The following ARPP19 variants were observed in gnomAD, a reference collection of about 807,000 sequenced individuals.
ARPP19 encodes the protein cAMP-regulated phosphoprotein 19.
In ARPP19, 8 loss-of-function variants were observed where a neutral mutation model predicts 12.0. The observed-to-expected ratio is 0.67, with a 90% CI of 0.39 to 1.21. ARPP19 has a LOEUF of 1.21. Among genes scored for constraint, ARPP19 ranks in the 50% most tolerant of loss-of-function variants. The pLI is 0.01. For missense variants in ARPP19, 102 were observed against 136.3 expected, an observed-to-expected ratio of 0.75 and a Z score of 1.25; for synonymous variants, 47 against 50.4, an observed-to-expected ratio of 0.93 and a Z score of 0.29.
chr15:52,547,952 GA>G lies in ARPP19; in HGVS notation c.*3981del, dbSNP rs747049530. ...GCAAAATGAGGTGAAAGAGAAAATG[GA>G]AAGTGGAAAATATGTTTGAACATTG... is the stretch of plus-strand genomic sequence containing the variant. On this transcript the variant is annotated 3_prime_UTR_variant, in exon 3 of 3. Transcript: ENST00000249822. The G allele has an allele frequency of 5.9e-5, 9 of 152,218 alleles. No individual in the cohort carries two copies. Among genetic ancestry groups the G allele is most frequent in the Non-Finnish European group, 8.8e-5 (6 of 68,060 alleles). The allele number at this position is 152,218 out of a possible 1,614,324, so 9.4% of individuals were successfully genotyped here.
intron 1 of ARPP19, among the ~76,000 whole-genome samples, chr15:52,561,577 C>T (rs929239771): frequency 1.3e-5 from 2 of 151,638 alleles, no homozygotes; most frequent in African/African-American, 4.8e-5. Flanking sequence ...GTTAAGAATG[C>T]ATGAAAAATT....
At chr15:52,553,810 G>A (rs562409817) in intron 2 of ARPP19, among the ~76,000 whole-genome samples, 2 of 152,354 alleles carry the variant, frequency 1.3e-5, no homozygotes, top group African/African-American at 4.8e-5. Flanking sequence ...AGACTATTGA[G>A]TGGCCTGAGG....
chr15:52,567,372 C>T (rs1250548046), intron 1 of ARPP19, among the ~76,000 whole-genome samples: 6 of 152,176 alleles, frequency 3.9e-5, no homozygotes, highest in Non-Finnish European at 1.5e-5. Flanking sequence ...ATACTGCATA[C>T]TTTGGCAACA....
In ARPP19 at chr15:52,549,825, T is replaced by C. The variant is rs2077912571; in HGVS notation, c.*2109A>G. 1.3e-5 allele frequency: 2 copies of C among 152,566 alleles called. No individual in the cohort carries two copies. Among genetic ancestry groups the C allele is most frequent in the Non-Finnish European group, 2.9e-5 (2 of 68,038 alleles). 9.5% of individuals were successfully genotyped at this position (152,566 alleles called of 1,614,324 possible). A position where few individuals can be genotyped will look rare whatever the true frequency, so the allele number is the denominator to read the frequency against. ...TCTGGGTTATTTTAAACTTCTTAAATTGATTCTATAATGAGTATATACTTG... is the reference window on the plus strand; with the variant it reads ...TCTGGGTTATTTTAAACTTCTTAAACTGATTCTATAATGAGTATATACTTG... On this transcript the variant is annotated 3_prime_UTR_variant, in exon 3 of 3. Transcript: ENST00000249822.
intron 1 of ARPP19, among the ~76,000 whole-genome samples, chr15:52,562,108 A>T (rs2078038928): frequency 6.6e-6 from 1 of 152,054 alleles, no homozygotes; most frequent in African/African-American, 2.4e-5. Flanking sequence ...CAAAGCAAAA[A>T]CTGACAGAAC....
rs760114243 is a variant in ARPP19, at chr15:52,557,123, A to G, written c.145T>C (p.Leu49=). 2.8e-5 allele frequency: 45 copies of G among 1,612,198 alleles called. No individual in the cohort carries two copies. In the South Asian group the frequency reaches 4.9e-4, roughly 18 times the overall value. The change falls in exon 2 of 3, where the codon TTA becomes CTA. Residue 49 remains leucine (L), a synonymous_variant. Transcript: ENST00000249822. ...ACCCCTTTCTGCAACCGTTTCCTTA[A>G]GAAATCTGAACCTCCAGGCTTTTGT... ...LGQKPGGSDF[L]RKRLQKGQKY...
intron 2 of ARPP19, 60 bp from the exon 3 acceptor site, chr15:52,552,164 C>T (rs1042050390): frequency 3.1e-5 from 29 of 940,954 alleles, no homozygotes; most frequent in Non-Finnish European, 4.7e-5. Context: ...TTTAAGATGT[C>T]GATGCAACCC....
chr15:52,556,695 G>C (rs1183077718), intron 2 of ARPP19, among the ~76,000 whole-genome samples: 1 of 152,078 alleles, frequency 6.6e-6, no homozygotes, highest in Admixed American at 6.5e-5. Flanking sequence ...ACCAGCTTCT[G>C]GATAGTGGCT....
chr15:52,565,312 A>G (rs1290968068), intron 1 of ARPP19, among the ~76,000 whole-genome samples: 2 of 152,146 alleles, frequency 1.3e-5, no homozygotes, highest in Non-Finnish European at 2.9e-5. Flanking sequence ...GGCAAGAGCC[A>G]CCCTGTAGGG....
chr15:52,568,017 T>C (rs2078101895), intron 1 of ARPP19, among the ~76,000 whole-genome samples: 1 of 152,104 alleles, frequency 6.6e-6, no homozygotes, highest in Admixed American at 6.5e-5. Context: ...GTGGAAATAA[T>C]TACAGTGGGA....
chr15:52,569,094 C>T (rs985984798), upstream of ARPP19: 19 of 557,940 alleles, frequency 3.4e-5, no homozygotes, highest in Admixed American at 8.4e-5. Flanking sequence ...GCCTGCCCCT[C>T]CCGCACCGCA....
At chr15:52,569,363 A>G (rs2078120306), upstream of ARPP19, 2 of 194,498 alleles carry the variant, frequency 1.0e-5, no homozygotes, top group South Asian at 1.6e-4. Context: ...TCCGCTCTGT[A>G]GCCACACAGG....
chr15:52,564,457 T>C (rs993640648), intron 1 of ARPP19, among the ~76,000 whole-genome samples: 4 of 152,194 alleles, frequency 2.6e-5, no homozygotes, highest in African/African-American at 9.7e-5. Flanking sequence ...CCAAAAGTAG[T>C]TGTCAAAAGA....
intron 1 of ARPP19, among the ~76,000 whole-genome samples, chr15:52,560,299 T>C (rs2078020367): frequency 6.6e-6 from 1 of 152,182 alleles, no homozygotes; most frequent in South Asian, 2.1e-4. Context: ...CCCAGCCGCA[T>C]TCCCTTGTTT....
At chr15:52,560,512 T>C (rs2078022671) in intron 1 of ARPP19, among the ~76,000 whole-genome samples, 1 of 152,190 alleles carries the variant, frequency 6.6e-6, no homozygotes, top group Admixed American at 6.5e-5. Context: ...AGCTGCAACT[T>C]CCTAACTGGA....
intron 1 of ARPP19, chr15:52,564,137 G>C: frequency 7.5e-7 from 1 of 1,335,336 alleles, no homozygotes; most frequent in Non-Finnish European, 1.0e-6. Flanking sequence ...CTGTTGTATC[G>C]CAAACTGCTA....
chr15:52,549,545 A>C lies in ARPP19; in HGVS notation c.*2389T>G, dbSNP rs1048419800. On this transcript the variant is annotated 3_prime_UTR_variant, in exon 3 of 3. Transcript: ENST00000249822. ...TACTTTTAATAAAAAGACAATCAGC[A>C]ATATTTTATTTTGGGCACTTAGCAT... 6.6e-6 allele frequency: 1 copy of C among 152,642 alleles called. No individual in the cohort carries two copies. Among genetic ancestry groups the C allele is most frequent in the African/African-American group, 2.4e-5 (1 of 41,452 alleles). The allele number at this position is 152,642 out of a possible 1,614,324, so 9.5% of individuals were successfully genotyped here. A position where few individuals can be genotyped will look rare whatever the true frequency, so the allele number is the denominator to read the frequency against.
chr15:52,557,673 T>C (rs1050600812), intron 1 of ARPP19: 2 of 152,188 alleles, frequency 1.3e-5, no homozygotes, highest in African/African-American at 4.8e-5. Context: ...AACAGCAGCC[T>C]ACTTATCAGT....
rs76089605 is a variant in ARPP19 at position 52,564,904 on chromosome 15, G to T, written c.45+3944C>A. On this transcript the variant is annotated intron_variant, in intron 1 of 2. Coordinates refer to ENST00000249822, the MANE Select transcript of ARPP19 (RefSeq NM_006628.6). ...TAGTACTTTGGCAAAGGTTTTAACA[G>T]AAAAGTTCTGAGGAAAATCCATTCA... Among the ~76,000 whole-genome samples the T allele has an allele frequency of 4.8e-3, 725 of 152,286 alleles. 23 individuals are homozygous for T. The East Asian group carries it at 0.089, about 19-fold the overall frequency.
Sources: allele counts gnomAD v4.1 joint callset (sites outside exome capture counted in the v4.1 genomes callset), GRCh38; gene constraint gnomAD v4.1.1; transcripts MANE v1.5; gene names NCBI Gene and HGNC (gene_info 2026-07-23, HGNC 2026-07-21).